MMP26: variants seen among roughly 807,000 people sequenced by gnomAD.
The protein encoded by MMP26 is matrix metalloproteinase-26.
In MMP26, 33 loss-of-function variants were observed where a neutral mutation model predicts 31.0. That is an observed-to-expected ratio of 1.06 (90% CI 0.81 to 1.42). MMP26 has a LOEUF of 1.42. Ranked by LOEUF, MMP26 falls within the 40% of genes most tolerant of loss-of-function variation. The pLI, the probability that MMP26 is intolerant of heterozygous loss-of-function variation, is 0.00. For missense variants in MMP26, 347 were observed against 316.1 expected, an observed-to-expected ratio of 1.10 and a Z score of -0.74; for synonymous variants, 122 against 114.9, an observed-to-expected ratio of 1.06 and a Z score of -0.40.
rs775048791 is a variant in MMP26 at position 4,882,596 on chromosome 11, C to T, written c.-144-105472C>T. 6.6e-5 allele frequency: 106 copies of T among 1,613,724 alleles called. 1 individual carries two copies. The highest frequency in any genetic ancestry group is 1.6e-4 in the South Asian group (15 of 91,078). ...CCGTACTGTTCTGGGCATTGTGGCC[C>T]GAAAGAAGCAACAAAAAGCTCTCAG... is the stretch of plus-strand genomic sequence containing the variant. On this transcript the variant is annotated intron_variant, in intron 2 of 7. Transcript: ENST00000380390.
chr11:4,905,915 T>C (rs1850880676), intron 2 of MMP26, among the ~76,000 whole-genome samples: 1 of 152,220 alleles, frequency 6.6e-6, no homozygotes, highest in African/African-American at 2.4e-5. Flanking sequence ...AAAATTTTAA[T>C]GCTTCATTTC....
At chr11:4,822,942 G>A (rs151217517) in intron 2 of MMP26, among the ~76,000 whole-genome samples, 1 of 152,220 alleles carries the variant, frequency 6.6e-6, no homozygotes, top group African/African-American at 2.4e-5. Flanking sequence ...AGTTACTGCT[G>A]CTGTTAGCTG....
intron 2 of MMP26, among the ~76,000 whole-genome samples, chr11:4,960,041 C>T (rs576458267): frequency 6.8e-6 from 1 of 146,622 alleles, no homozygotes; most frequent in Non-Finnish European, 1.5e-5. Flanking sequence ...GCCCCGCCCC[C>T]CCACCCAGGA....
At chr11:4,794,018 G>A (rs1849068943) in intron 2 of MMP26, 1 of 152,200 alleles carries the variant, frequency 6.6e-6, no homozygotes, top group Admixed American at 6.5e-5. Flanking sequence ...GAGATTCTCT[G>A]CAGGTAGCTA....
intron 4 of MMP26, 80 bp from the exon 5 acceptor site, chr11:4,990,518 C>A (rs1846981739): frequency 1.5e-6 from 2 of 1,344,158 alleles, no homozygotes; most frequent in African/African-American, 2.9e-5. Flanking sequence ...TGATTCTCCC[C>A]AAAGTAGAAT....
At chr11:4,838,705 A>AAAGGCAT (rs1849755076) in intron 2 of MMP26, among the ~76,000 whole-genome samples, 1 of 149,700 alleles carries the variant, frequency 6.7e-6, no homozygotes, top group South Asian at 2.1e-4. Context: ...CAAGATGCAG[A>AAAGGCAT]AAGGCATATA....
chr11:4,796,935 G>A (rs950345406), intron 2 of MMP26, among the ~76,000 whole-genome samples: 5 of 151,620 alleles, frequency 3.3e-5, no homozygotes, highest in African/African-American at 7.3e-5. Flanking sequence ...AGTGCACTTC[G>A]GGCTCCTGTA....
At chr11:4,960,460 A>C (rs1732140035) in intron 2 of MMP26, among the ~76,000 whole-genome samples, 1 of 151,580 alleles carries the variant, frequency 6.6e-6, no homozygotes, top group African/African-American at 2.4e-5. Context: ...CTAGACAAAC[A>C]TCCAGCCTCT....
chr11:4,903,466 A>C (rs1233373755), intron 2 of MMP26, among the ~76,000 whole-genome samples: 2 of 152,118 alleles, frequency 1.3e-5, no homozygotes, highest in African/African-American at 4.8e-5. Flanking sequence ...ATTGGACATA[A>C]AGTGTTTTGA....
rs1424003496 is a variant in MMP26 at position 4,723,521 on chromosome 11, T to C, written c.-217+18476T>C. 8.4e-6 allele frequency: 10 copies of C among 1,186,260 alleles called. No individual in the cohort carries two copies. In the East Asian group the frequency reaches 2.1e-4, roughly 25 times the overall value. 73.5% of individuals were successfully genotyped at this position (1,186,260 alleles called of 1,614,324 possible). On this transcript the variant is annotated intron_variant, in intron 1 of 7. Transcript: ENST00000380390. ...TCTTCATACAGCTGCCTGAGGAAGTTGATCTCGTCAGTCAGCCCTTCCAGG... is the reference window on the plus strand; with the variant it reads ...TCTTCATACAGCTGCCTGAGGAAGTCGATCTCGTCAGTCAGCCCTTCCAGG...
chr11:4,984,938 AGT>A (rs1846864854), intron 2 of MMP26, among the ~76,000 whole-genome samples: 1 of 152,154 alleles, frequency 6.6e-6, no homozygotes, highest in African/African-American at 2.4e-5. Context: ...CACCGGAGAA[AGT>A]GTGAGAGACT....
At chr11:4,891,829 C>T (rs1339645316) in intron 2 of MMP26, among the ~76,000 whole-genome samples, 2 of 152,098 alleles carry the variant, frequency 1.3e-5, no homozygotes, top group African/African-American at 4.8e-5. Context: ...TAAACTATAG[C>T]AAGATTGGAG....
intron 4 of MMP26, 144 bp from the exon 5 acceptor site, chr11:4,990,454 T>G: frequency 1.5e-6 from 1 of 667,360 alleles, no homozygotes; most frequent in Non-Finnish European, 2.3e-6. Flanking sequence ...ATTTAATTAG[T>G]CTGAAATTAG....
intron 2 of MMP26, among the ~76,000 whole-genome samples, chr11:4,862,644 G>A (rs1387203009): frequency 6.6e-6 from 1 of 152,158 alleles, no homozygotes; most frequent in Admixed American, 6.6e-5. Flanking sequence ...GAGCTCTGAG[G>A]TTGGGGTGAG....
chr11:4,769,281 T>C (rs572315351), intron 2 of MMP26: 2 of 1,613,620 alleles, frequency 1.2e-6, no homozygotes, highest in Non-Finnish European at 1.7e-6. Flanking sequence ...ATGCATGGTG[T>C]ATCTATTCCA....
At chr11:4,747,437 G>T (rs1190749394) in intron 1 of MMP26, among the ~76,000 whole-genome samples, 1 of 152,214 alleles carries the variant, frequency 6.6e-6, no homozygotes, top group Non-Finnish European at 1.5e-5. Context: ...CCATATCTAT[G>T]CATATAAATA....
At position 4,989,589 on chromosome 11, in the gene MMP26, A is replaced by G. The variant is rs1006486150; in HGVS notation, c.100-59A>G. 6 of 1,390,312 alleles carry G rather than the reference A, an allele frequency of 4.3e-6. No individual in the cohort carries two copies. The East Asian group carries it at 1.4e-4, about 33-fold the overall frequency. 86.1% of individuals were successfully genotyped at this position (1,390,312 alleles called of 1,614,324 possible). On this transcript the variant is annotated intron_variant, in intron 3 of 7. Transcript: ENST00000380390. Reference sequence around the variant, plus strand: ...CTCAAAGAAGGCTATGCCCAGGGTAACTGATATATGGGTCTTCCCTATTGA... The same window carrying G: ...CTCAAAGAAGGCTATGCCCAGGGTAGCTGATATATGGGTCTTCCCTATTGA...
intron 1 of MMP26, among the ~76,000 whole-genome samples, chr11:4,761,810 A>AG (rs1848571621): frequency 1.3e-5 from 2 of 152,194 alleles, no homozygotes; most frequent in African/African-American, 4.8e-5. Flanking sequence ...GTAATAGCAT[A>AG]ATGCCAGTTC....
intron 2 of MMP26, among the ~76,000 whole-genome samples, chr11:4,811,056 A>C (rs925302471): frequency 7.2e-5 from 11 of 152,208 alleles, no homozygotes; most frequent in African/African-American, 2.7e-4. Flanking sequence ...TTTTTCATCT[A>C]TCAGCCTACA....
Sources: gnomAD v4.1 joint callset for allele counts (sites outside exome capture counted in the v4.1 genomes callset) on GRCh38, gnomAD v4.1.1 for gene constraint, MANE v1.5 for transcripts, NCBI Gene and HGNC (gene_info 2026-07-23, HGNC 2026-07-21) for gene names.